The following GPC5 variants were observed in gnomAD, a reference collection of about 807,000 sequenced individuals.
The protein encoded by GPC5 is glypican 5.
In GPC5, 47 loss-of-function variants were observed where a neutral mutation model predicts 53.9. The ratio of observed to expected loss-of-function variants is 0.87; its 90% CI spans 0.69 to 1.11. GPC5 has a LOEUF of 1.11. Ranked by LOEUF, GPC5 falls within the 50% of genes most tolerant of loss-of-function variation. GPC5 has a pLI of 0.00. For missense variants in GPC5, 748 were observed against 713.1 expected (o/e 1.05, Z -0.56); for synonymous variants, 286 against 263.3 (o/e 1.09, Z -0.84).
At chr13:92,851,887 C>CAAA (rs71202563) in intron 7 of GPC5, among the ~76,000 whole-genome samples, 19 of 59,114 alleles carry the variant, frequency 3.2e-4, no homozygotes, top group Non-Finnish European at 4.8e-4. Flanking sequence ...GACTCCGTCT[C>CAAA]AAAAAAAAAA....
At chr13:92,229,567 A>T (rs1032164110) in intron 7 of GPC5, among the ~76,000 whole-genome samples, 1 of 152,142 alleles carries the variant, frequency 6.6e-6, no homozygotes, top group Non-Finnish European at 1.5e-5. Flanking sequence ...TTGCATTATG[A>T]TGAAATCAAT....
intron 3 of GPC5, among the ~76,000 whole-genome samples, chr13:91,699,969 T>G (rs1010156137): frequency 5.6e-4 from 85 of 152,232 alleles, no homozygotes; most frequent in African/African-American, 2.0e-3. Context: ...TGTTTTCTGA[T>G]TAGAGGCAAG....
chr13:92,734,909 A>G (rs1192345434), intron 7 of GPC5, among the ~76,000 whole-genome samples: 1 of 151,936 alleles, frequency 6.6e-6, no homozygotes, highest in Admixed American at 6.6e-5. Flanking sequence ...CCATTCAAAC[A>G]TTCAGAGTCC....
At chr13:92,204,312 C>T (rs2042316748) in intron 7 of GPC5, among the ~76,000 whole-genome samples, 2 of 152,148 alleles carry the variant, frequency 1.3e-5, no homozygotes. Context: ...ATATGCCAAT[C>T]AAATAATTAG....
chr13:92,813,055 A>T (rs1301941545), intron 7 of GPC5, among the ~76,000 whole-genome samples: 1 of 151,962 alleles, frequency 6.6e-6, no homozygotes, highest in Admixed American at 6.6e-5. Context: ...CCTATTTTAA[A>T]TACCGGCCTT....
chr13:92,625,234 TATTAA>T (rs1167796353), intron 7 of GPC5, among the ~76,000 whole-genome samples: 1 of 152,228 alleles, frequency 6.6e-6, no homozygotes, highest in Non-Finnish European at 1.5e-5. Context: ...GGAATTCACA[TATTAA>T]ATTAGTTTCT....
chr13:92,621,981 T>C (rs1884885419), intron 7 of GPC5, among the ~76,000 whole-genome samples: 1 of 152,210 alleles, frequency 6.6e-6, no homozygotes, highest in South Asian at 2.1e-4. Flanking sequence ...AAGCTCTCTG[T>C]GTATCTTCCT....
At chr13:91,660,924 A>G (rs1275142386) in intron 2 of GPC5, among the ~76,000 whole-genome samples, 1 of 152,194 alleles carries the variant, frequency 6.6e-6, no homozygotes, top group Non-Finnish European at 1.5e-5. Flanking sequence ...TTTAGTATCT[A>G]CTATGTACAA....
At chr13:92,808,468 C>T (rs1321856179) in intron 7 of GPC5, among the ~76,000 whole-genome samples, 2 of 151,930 alleles carry the variant, frequency 1.3e-5, no homozygotes, top group Admixed American at 1.3e-4. Flanking sequence ...CATGATGGTG[C>T]GGGTGCTGGT....
intron 5 of GPC5, among the ~76,000 whole-genome samples, chr13:91,814,761 G>C (rs1287739964): frequency 6.6e-6 from 1 of 151,886 alleles, no homozygotes; most frequent in Non-Finnish European, 1.5e-5. Flanking sequence ...GGCTGGTCTT[G>C]AACTCCTGAC....
intron 2 of GPC5, among the ~76,000 whole-genome samples, chr13:91,475,621 T>C (rs1227614538): frequency 1.3e-5 from 2 of 152,150 alleles, no homozygotes; most frequent in Non-Finnish European, 2.9e-5. Flanking sequence ...CAGACACAAC[T>C]GCTCCAGGGC....
chr13:92,059,021 C>T (rs926820021), intron 6 of GPC5, among the ~76,000 whole-genome samples: 3 of 152,122 alleles, frequency 2.0e-5, no homozygotes, highest in Non-Finnish European at 4.4e-5. Context: ...AATTACCTTG[C>T]TCTGTTCTCA....
intron 7 of GPC5, among the ~76,000 whole-genome samples, chr13:92,438,570 A>T (rs1434608221): frequency 6.6e-6 from 1 of 151,970 alleles, no homozygotes; most frequent in Non-Finnish European, 1.5e-5. Context: ...GATTAAGTGT[A>T]TGTTTTAAAA....
At chr13:92,824,726 G>GGA (rs1555315938) in intron 7 of GPC5, among the ~76,000 whole-genome samples, 3 of 150,040 alleles carry the variant, frequency 2.0e-5, no homozygotes, top group African/African-American at 7.3e-5. Context: ...AATGCCTTTT[G>GGA]AAAAAAAAAA....
At position 91,765,397 on chromosome 13, in the gene GPC5, C is replaced by G. The variant is rs143210921; in HGVS notation, c.1280+8977C>G. 3.7e-3 allele frequency among the ~76,000 whole-genome samples: 568 copies of G among 152,354 alleles called. 3 individuals are homozygous for G. The highest frequency in any genetic ancestry group is 7.3e-3 in the Admixed American group (111 of 15,306). ...GGTTTCAGTCATCTGCTTTTCATGT[C>G]TAGCACCTCACTGAAAGTGAGGGGT... On this transcript the variant is annotated intron_variant, in intron 5 of 7. Coordinates refer to ENST00000377067, the MANE Select transcript of GPC5 (RefSeq NM_004466.6).
At chr13:92,166,460 T>A (rs2042028368) in intron 7 of GPC5, among the ~76,000 whole-genome samples, 1 of 152,226 alleles carries the variant, frequency 6.6e-6, no homozygotes, top group African/African-American at 2.4e-5. Flanking sequence ...TTTGAAAGTA[T>A]TCTGGGTATA....
chr13:91,491,673 C>G (rs1282319674), intron 2 of GPC5, among the ~76,000 whole-genome samples: 1 of 152,100 alleles, frequency 6.6e-6, no homozygotes, highest in Non-Finnish European at 1.5e-5. Context: ...GGGGACATTC[C>G]ACTCCTTGCC....
intron 7 of GPC5, among the ~76,000 whole-genome samples, chr13:92,151,392 G>A (rs995884175): frequency 1.3e-5 from 2 of 151,956 alleles, no homozygotes; most frequent in African/African-American, 2.4e-5. Context: ...GAGCAAAAAT[G>A]TACACTTTTT....
At chr13:92,567,948 A>G (rs1882911102) in intron 7 of GPC5, among the ~76,000 whole-genome samples, 1 of 152,204 alleles carries the variant, frequency 6.6e-6, no homozygotes, top group African/African-American at 2.4e-5. Flanking sequence ...TAATGAAAGA[A>G]AGAAAAAGTG....
Sources: allele counts gnomAD v4.1 joint callset (sites outside exome capture counted in the v4.1 genomes callset), GRCh38; gene constraint gnomAD v4.1.1; transcripts MANE v1.5; gene names NCBI Gene and HGNC (gene_info 2026-07-23, HGNC 2026-07-21).